CD101: variants seen among roughly 807,000 people sequenced by gnomAD.
The protein encoded by CD101 is CD101 molecule, also known as immunoglobulin superfamily member 2.
A neutral mutation model predicts 98.2 loss-of-function variants in CD101; 76 were observed. That is an observed-to-expected ratio of 0.77 (90% CI 0.64 to 0.94). The LOEUF is 0.94. CD101 is among the 40% of genes least tolerant of loss of function. CD101 has a pLI of 0.00. For synonymous variants in CD101, 471 were observed against 472.7 expected, an observed-to-expected ratio of 1.00 and a Z score of 0.05; for missense variants, 1,145 against 1,218.8, an observed-to-expected ratio of 0.94 and a Z score of 0.90.
At chr1:117,008,902 C>G (rs144505393) in intron 1 of CD101, among the ~76,000 whole-genome samples, 1 of 152,270 alleles carries the variant, frequency 6.6e-6, no homozygotes, top group African/African-American at 2.4e-5. Flanking sequence ...TTTACAGTAC[C>G]CTGGGCCCCT....
rs149623012 is a variant in CD101, at chr1:117,034,307, G to A, written c.*33+173G>A. The A allele has an allele frequency of 1.1e-3, 665 of 599,420 alleles. 4 individuals are homozygous for A. The African/African-American group carries it at 0.011, about 10-fold the overall frequency. 37.1% of individuals were successfully genotyped at this position (599,420 alleles called of 1,614,324 possible). A position where few individuals can be genotyped will look rare whatever the true frequency, so the allele number is the denominator to read the frequency against. On this transcript the variant is annotated intron_variant, in intron 9 of 9. Coordinates refer to ENST00000682167, the MANE Select transcript of CD101 (RefSeq NM_001256106.3). ...TTGTGTCTTACCTCATCCACCTCTC[G>A]CATCCCCCCTTGGAACAAGATAGCA...
chr1:117,020,581 A>G (rs1653519468), intron 6 of CD101, among the ~76,000 whole-genome samples: 1 of 152,226 alleles, frequency 6.6e-6, no homozygotes, highest in Non-Finnish European at 1.5e-5. Flanking sequence ...ACACTTGAGA[A>G]AGGTTTCTCA....
In CD101 at chr1:117,010,260, G is replaced by A; in HGVS notation, c.424+30G>A. 1.3e-6 allele frequency: 2 copies of A among 1,580,002 alleles called. No homozygotes were observed. The highest frequency in any genetic ancestry group is 1.2e-5 in the South Asian group (1 of 85,982). On this transcript the variant is annotated intron_variant, in intron 2 of 9. Transcript: ENST00000682167. The surrounding 1 kb of genome is among the most constrained non-coding windows in gnomAD (Gnocchi z 5.2). ...GTTGCTTGTCCACTTCTGCTAGCCA[G>A]CCCCTGAGAAGCCAGAGTCTCCACC...
At chr1:117,002,757 G>T (rs890848047) in intron 1 of CD101, among the ~76,000 whole-genome samples, 1 of 152,102 alleles carries the variant, frequency 6.6e-6, no homozygotes, top group African/African-American at 2.4e-5. Context: ...AAATCTACAG[G>T]TAGGTCTTTT....
At chr1:117,003,869 T>C (rs1338859627) in intron 1 of CD101, among the ~76,000 whole-genome samples, 1 of 152,240 alleles carries the variant, frequency 6.6e-6, no homozygotes, top group Non-Finnish European at 1.5e-5. Context: ...TGGAAAAAGC[T>C]TTAGAAGTCT....
At chr1:117,002,455 T>C (rs1260046721) in intron 1 of CD101, among the ~76,000 whole-genome samples, 1 of 152,186 alleles carries the variant, frequency 6.6e-6, no homozygotes, top group Non-Finnish European at 1.5e-5. Flanking sequence ...CATTTATCTA[T>C]GTTTGAATAG....
rs777973004 is a variant in CD101 at position 117,013,533 on chromosome 1, G to C, written c.969G>C (p.Gly323=). 1 of 1,614,174 alleles carries C rather than the reference G, an allele frequency of 6.2e-7. No individual in the cohort carries two copies. The highest frequency in any genetic ancestry group is 8.5e-7 in the Non-Finnish European group (1 of 1,180,022). ...TTCAAGGCATTTGGTTCTTCAATGG[G>C]ACTGAAATTGCTCACATTGATGCTG... is the stretch of plus-strand genomic sequence containing the variant. ...PQLQGIWFFN[G]TEIAHIDAGG... The change falls in exon 4 of 10, where the codon GGG becomes GGC. Residue 323 remains glycine, a synonymous_variant. Coordinates refer to ENST00000682167, the MANE Select transcript of CD101 (RefSeq NM_001256106.3).
chr1:117,033,940 C>T lies in CD101; in HGVS notation c.2905C>T (p.Leu969Phe). The change falls in exon 9 of 10, where the codon CTT becomes TTT. Residue 969 changes from leucine to phenylalanine, a missense_variant. Physicochemically the swap from Leu to Phe is conservative, Grantham distance 22. Transcript: ENST00000682167. This position sits in a 1 kb window ranked among gnomAD's most constrained non-coding sequence, Gnocchi z 4.8. The stretch of plus-strand genomic sequence containing the variant: ...CATCTGTCCCTTCGTCCTGCTCCTC[C>T]TTCTGCTCATCTCCCTCCTCTGCTT... Reference protein sequence around the residue: ...LFICPFVLLLLLLISLLCLYW... With the variant: ...LFICPFVLLLFLLISLLCLYW... The T allele has an allele frequency of 3.7e-6, 6 of 1,614,212 alleles. No homozygotes were observed. Among genetic ancestry groups the T allele is most frequent in the Non-Finnish European group, 5.1e-6 (6 of 1,180,036 alleles).
At position 117,033,823 on chromosome 1, in the gene CD101, G is replaced by A. The variant is rs767440418; in HGVS notation, c.2825-37G>A. On this transcript the variant is annotated intron_variant, in intron 8 of 9. Coordinates refer to ENST00000682167, the MANE Select transcript of CD101 (RefSeq NM_001256106.3). The surrounding 1 kb of genome is among the most constrained non-coding windows in gnomAD (Gnocchi z 4.8). ...GTAATTGACTAGTACAAATAAGTTG[G>A]AGATGAATTACTCTCTTGTTTCTCC... The A allele has an allele frequency of 1.9e-6, 3 of 1,612,480 alleles. No homozygotes were observed. Among genetic ancestry groups the A allele is most frequent in the East Asian group, 4.5e-5 (2 of 44,842 alleles).
At chr1:117,015,809 C>T (rs1312612850) in intron 4 of CD101, among the ~76,000 whole-genome samples, 3 of 152,188 alleles carry the variant, frequency 2.0e-5, no homozygotes, top group African/African-American at 7.2e-5. Context: ...CTCAACAATG[C>T]AGCAAGGTGA....
intron 4 of CD101, among the ~76,000 whole-genome samples, chr1:117,015,636 T>C (rs1301945988): frequency 6.6e-6 from 1 of 152,266 alleles, no homozygotes; most frequent in Non-Finnish European, 1.5e-5. Flanking sequence ...AGATTTCTAA[T>C]GCCAGTTCTA....
Position 117,022,984 on chromosome 1 carries a change from T to C in CD101, c.2428+1001T>C, listed in dbSNP as rs1653676092. On this transcript the variant is annotated intron_variant, in intron 7 of 9. Transcript: ENST00000682167. This position sits in a 1 kb window ranked among gnomAD's most constrained non-coding sequence, Gnocchi z 4.8. ...CTGTTTTGCTTCTTATTCTCTGCTT[T>C]CCTCAGAATTTCTTAAACACTGCCC... Among the ~76,000 whole-genome samples, 1 of 152,210 alleles carries C rather than the reference T, an allele frequency of 6.6e-6. No homozygotes were observed. The highest frequency in any genetic ancestry group is 2.4e-5 in the African/African-American group (1 of 41,450).
chr1:117,036,025 A>G lies in CD101; in HGVS notation c.*34-143A>G, dbSNP rs929001140. 2.6e-5 allele frequency: 4 copies of G among 152,286 alleles called. No individual in the cohort carries two copies. In the South Asian group the frequency reaches 6.2e-4, roughly 24 times the overall value. The allele number at this position is 152,286 out of a possible 1,614,324, so 9.4% of individuals were successfully genotyped here. A position where few individuals can be genotyped will look rare whatever the true frequency, so the allele number is the denominator to read the frequency against. ...ATCCCTCCTCTCTGCTCACATGGAC[A>G]CCTCCTTCAAGCTTCTAGCTCAAAC... On this transcript the variant is annotated intron_variant, in intron 9 of 9. Transcript: ENST00000682167. The surrounding 1 kb of genome is among the most constrained non-coding windows in gnomAD (Gnocchi z 5.0).
chr1:117,022,655 C>A lies in CD101; in HGVS notation c.2428+672C>A, dbSNP rs757039654. Reference sequence around the variant, plus strand: ...TCACAGCCAAGGTTCAGGAACTGGCCAAGATCCTACAGCACAATGCAGAGA... The same window carrying A: ...TCACAGCCAAGGTTCAGGAACTGGCAAAGATCCTACAGCACAATGCAGAGA... On this transcript the variant is annotated intron_variant, in intron 7 of 9. Transcript: ENST00000682167. The surrounding 1 kb of genome is among the most constrained non-coding windows in gnomAD (Gnocchi z 4.8). Among the ~76,000 whole-genome samples, 1 of 152,084 alleles carries A rather than the reference C, an allele frequency of 6.6e-6. No homozygotes were observed. Among genetic ancestry groups the A allele is most frequent in the Non-Finnish European group, 1.5e-5 (1 of 68,034 alleles).
At position 117,001,845 on chromosome 1, in the gene CD101, TTC is replaced by T. The variant is rs1652249209; in HGVS notation, c.30_31del (p.Phe11SerfsTer5). 5.0e-6 allele frequency: 8 copies of T among 1,614,032 alleles called. No individual in the cohort carries two copies. The South Asian group carries it at 7.7e-5, about 16-fold the overall frequency. ...GGCAGGCATCTCATATGTGGCATCT[TTC>T]TTTCTCCTTCTGAGTAAGTTTCATA... Reference protein sequence around the residue: MAGISYVASFFLLLTKLSIG... With the variant: MAGISYVASXFLLLTKLSIG... On this transcript the variant is annotated frameshift_variant, in exon 1 of 10. Transcript: ENST00000682167. LOFTEE classifies it high-confidence loss of function.
chr1:117,017,154 C>T lies in CD101; in HGVS notation c.1293C>T (p.Ala431=), dbSNP rs373727178. ...QQVVWEGETL[A]FLCKAGGAES... ...TTGTGTGGGAAGGAGAGACACTCGCCTTTCTCTGTAAGGCTGGTGGAGCTG... is the reference window on the plus strand; with the variant it reads ...TTGTGTGGGAAGGAGAGACACTCGCTTTTCTCTGTAAGGCTGGTGGAGCTG... The change falls in exon 5 of 10, where the codon GCC becomes GCT. Residue 431 remains alanine (A), a synonymous_variant. Transcript: ENST00000682167. 6.1e-5 allele frequency: 98 copies of T among 1,614,126 alleles called. No homozygotes were observed. The highest frequency in any genetic ancestry group is 7.9e-5 in the Non-Finnish European group (93 of 1,180,046).
chr1:117,011,290 G>C (rs1476688771), intron 2 of CD101, among the ~76,000 whole-genome samples: 1 of 152,076 alleles, frequency 6.6e-6, no homozygotes, highest in Non-Finnish European at 1.5e-5. Flanking sequence ...TAGCTAAATT[G>C]GTTATAGCCT....
rs1056151682 is a variant in CD101, at chr1:117,004,972, T to C, written c.43+3112T>C. 6.6e-6 allele frequency among the ~76,000 whole-genome samples: 1 copy of C among 152,060 alleles called. No homozygotes were observed. Among genetic ancestry groups the C allele is most frequent in the African/African-American group, 2.4e-5 (1 of 41,390 alleles). On this transcript the variant is annotated intron_variant, in intron 1 of 9. Coordinates refer to ENST00000682167, the MANE Select transcript of CD101 (RefSeq NM_001256106.3). The surrounding 1 kb of genome is among the most constrained non-coding windows in gnomAD (Gnocchi z 4.1). ...TTTGGTGTCAGTGAGGGCCTGTTCCTCATAGCACCTTCTAACTGTGTCCTC... is the reference window on the plus strand; with the variant it reads ...TTTGGTGTCAGTGAGGGCCTGTTCCCCATAGCACCTTCTAACTGTGTCCTC...
chr1:117,015,620 C>T (rs1653164081), intron 4 of CD101, among the ~76,000 whole-genome samples: 2 of 152,324 alleles, frequency 1.3e-5, no homozygotes, highest in South Asian at 2.1e-4. Context: ...CATTTAGATC[C>T]TATTTAGATT....
Sources: gnomAD v4.1 joint callset for allele counts (sites outside exome capture counted in the v4.1 genomes callset) on GRCh38, gnomAD v4.1.1 for gene constraint, Gnocchi (gnomAD v3.1) non-coding constraint, MANE v1.5 for transcripts, NCBI Gene and HGNC (gene_info 2026-07-23, HGNC 2026-07-21) for gene names.